Variants in SAMD5 observed in about 807,000 individuals in gnomAD.
The protein encoded by SAMD5 is sterile alpha motif domain-containing protein 5.
A neutral mutation model predicts 11.3 loss-of-function variants in SAMD5; 13 were observed. The ratio of observed to expected loss-of-function variants is 1.15; its 90% CI spans 0.75 to 1.83. The LOEUF is 1.83. SAMD5 is among the 40% of genes most tolerant of loss of function. The probability of loss-of-function intolerance (pLI) is 0.00; values close to 1 mark genes in which losing one functional copy is unlikely to be tolerated. For missense variants in SAMD5, 255 were observed against 239.1 expected (o/e 1.07, Z -0.44); for synonymous variants, 129 against 111.3 (o/e 1.16, Z -1.00).
chr6:147,740,411 T>C (rs1245902176), downstream of SAMD5, among the ~76,000 whole-genome samples: 1 of 152,244 alleles, frequency 6.6e-6, no homozygotes. Flanking sequence ...GTGTTTGAAT[T>C]GATCTCCCAC....
intron 1 of SAMD5, among the ~76,000 whole-genome samples, chr6:147,620,244 G>A (rs373465974): frequency 2.0e-5 from 3 of 152,174 alleles, no homozygotes; most frequent in East Asian, 3.9e-4. Flanking sequence ...CCTGCACAGC[G>A]CCCTTGCTCA....
chr6:147,553,754 G>C (rs1197107632), intron 1 of SAMD5, among the ~76,000 whole-genome samples: 1 of 152,162 alleles, frequency 6.6e-6, no homozygotes, highest in Non-Finnish European at 1.5e-5. Context: ...AGTGTCTTGA[G>C]GGTTATTCAG....
At chr6:147,624,546 G>C (rs1237631018) in intron 1 of SAMD5, among the ~76,000 whole-genome samples, 1 of 152,260 alleles carries the variant, frequency 6.6e-6, no homozygotes, top group African/African-American at 2.4e-5. Context: ...CATCCAGGTT[G>C]CTGAGAATGC....
chr6:147,912,468 T>C, the SAMD5 span, among the ~76,000 whole-genome samples: 6 of 125,012 alleles, frequency 4.8e-5, no homozygotes, highest in Non-Finnish European at 1.1e-4. Flanking sequence ...GCTGCTTAAC[T>C]TTAAATAGCT....
chr6:147,650,459 G>T (rs1486365591), intron 1 of SAMD5, among the ~76,000 whole-genome samples: 1 of 152,228 alleles, frequency 6.6e-6, no homozygotes, highest in African/African-American at 2.4e-5. Flanking sequence ...TGAACCTTTG[G>T]TGGAAAGAAG....
chr6:147,790,999 A>T, the SAMD5 span, among the ~76,000 whole-genome samples: 1 of 152,080 alleles, frequency 6.6e-6, no homozygotes, highest in South Asian at 2.1e-4. Flanking sequence ...GCACATCTGC[A>T]TCTATGAAAG....
intron 1 of SAMD5, among the ~76,000 whole-genome samples, chr6:147,546,065 ACC>A (rs1788680464): frequency 6.6e-6 from 1 of 152,162 alleles, no homozygotes; most frequent in African/African-American, 2.4e-5. Flanking sequence ...CAAATTCGAA[ACC>A]TTAACATAAT....
At chr6:147,759,541 A>C in the SAMD5 span, among the ~76,000 whole-genome samples, 1 of 151,474 alleles carries the variant, frequency 6.6e-6, no homozygotes, top group Non-Finnish European at 1.5e-5. Flanking sequence ...GGTAAGATAT[A>C]TATGTATATA....
chr6:147,810,271 T>C, the SAMD5 span, among the ~76,000 whole-genome samples: 21,887 of 152,236 alleles, frequency 0.14, 1,891 homozygotes, highest in East Asian at 0.35. Flanking sequence ...CATTCTTTCC[T>C]CATGGCATAG....
chr6:147,665,991 T>G (rs1790712751), intron 1 of SAMD5, among the ~76,000 whole-genome samples: 1 of 152,188 alleles, frequency 6.6e-6, no homozygotes. Flanking sequence ...CCGGTTGGAG[T>G]GCAGTGGCGC....
intron 1 of SAMD5, among the ~76,000 whole-genome samples, chr6:147,531,346 G>C (rs1788427709): frequency 6.6e-6 from 1 of 152,196 alleles, no homozygotes; most frequent in South Asian, 2.1e-4. Flanking sequence ...TTGTAGAACT[G>C]ATTTTGGCTA....
chr6:147,948,372 A>G, the SAMD5 span, among the ~76,000 whole-genome samples: 1 of 151,482 alleles, frequency 6.6e-6, no homozygotes, highest in East Asian at 1.9e-4. Context: ...ATAATAGTGG[A>G]CTCTCCCACT....
the SAMD5 span, among the ~76,000 whole-genome samples, chr6:147,816,276 G>A: frequency 1.4e-3 from 46 of 34,004 alleles, 1 homozygote; most frequent in African/African-American, 7.7e-3. Flanking sequence ...GTGAAACTCC[G>A]TCTCCAAAAA....
chr6:147,791,262 C>A, the SAMD5 span, among the ~76,000 whole-genome samples: 1 of 151,874 alleles, frequency 6.6e-6, no homozygotes, highest in African/African-American at 2.4e-5. Flanking sequence ...TGCACTCCAG[C>A]CTAGGCAACA....
At chr6:147,771,126 TG>T in the SAMD5 span, among the ~76,000 whole-genome samples, 1 of 152,206 alleles carries the variant, frequency 6.6e-6, no homozygotes, top group African/African-American at 2.4e-5. Context: ...TTCTGAATAA[TG>T]CTTGCTCACC....
At chr6:147,555,432 C>T (rs531380322) in intron 1 of SAMD5, among the ~76,000 whole-genome samples, 1 of 152,266 alleles carries the variant, frequency 6.6e-6, no homozygotes, top group African/African-American at 2.4e-5. Flanking sequence ...GTATCTGTTG[C>T]TAATGATGAA....
At chr6:147,806,851 G>A in the SAMD5 span, among the ~76,000 whole-genome samples, 1 of 152,190 alleles carries the variant, frequency 6.6e-6, no homozygotes, top group African/African-American at 2.4e-5. Context: ...GCTTAGATGA[G>A]GTCATGAGGG....
the SAMD5 span, among the ~76,000 whole-genome samples, chr6:147,940,662 G>A: frequency 2.0e-5 from 3 of 152,114 alleles, no homozygotes; most frequent in Non-Finnish European, 4.4e-5. Context: ...GGCAAATTAT[G>A]GTTCAAAAGT....
chr6:147,544,992 T>C (rs1361592113), intron 1 of SAMD5, among the ~76,000 whole-genome samples: 1 of 152,180 alleles, frequency 6.6e-6, no homozygotes, highest in East Asian at 1.9e-4. Context: ...CAGTTTTATA[T>C]TCCATGCAGT....
Sources: gnomAD v4.1 joint callset for allele counts (sites outside exome capture counted in the v4.1 genomes callset) on GRCh38, gnomAD v4.1.1 for gene constraint, MANE v1.5 for transcripts, NCBI Gene and HGNC (gene_info 2026-07-23, HGNC 2026-07-21) for gene names.